PDGFC: variants seen among roughly 807,000 people sequenced by gnomAD.
PDGFC encodes the protein platelet derived growth factor C, also known as platelet-derived growth factor C.
A neutral mutation model predicts 35.5 loss-of-function variants in PDGFC; 12 were observed. The observed-to-expected ratio is 0.34, with a 90% CI of 0.22 to 0.55. The LOEUF (loss-of-function observed/expected upper bound fraction) is 0.55, where lower values mean the gene tolerates loss of function less well. Ranked by LOEUF, PDGFC falls within the 20% of genes least tolerant of loss-of-function variation. The probability of loss-of-function intolerance (pLI) is 0.91; values close to 1 mark genes in which losing one functional copy is unlikely to be tolerated. For synonymous variants in PDGFC, 159 were observed against 148.8 expected (o/e 1.07, Z -0.50); for missense variants, 322 against 412.4 (o/e 0.78, Z 1.90).
intron 2 of PDGFC, among the ~76,000 whole-genome samples, chr4:156,824,243 G>A (rs1365131143): frequency 7.2e-6 from 1 of 139,188 alleles, no homozygotes; most frequent in Non-Finnish European, 1.5e-5. Context: ...CTTATCTGTG[G>A]GAGTAACTGT....
intron 1 of PDGFC, among the ~76,000 whole-genome samples, chr4:156,921,007 C>T (rs7676376): frequency 0.2 from 30,427 of 151,944 alleles, 3,776 homozygotes; most frequent in Non-Finnish European, 0.28. Flanking sequence ...GAGAATGAAC[C>T]TCTTGAATGC....
chr4:156,922,206 G>A (rs1253555299), intron 1 of PDGFC, among the ~76,000 whole-genome samples: 1 of 151,852 alleles, frequency 6.6e-6, no homozygotes, highest in African/African-American at 2.4e-5. Context: ...CTGTGTGTGT[G>A]TGTATATCTG....
intron 1 of PDGFC, among the ~76,000 whole-genome samples, chr4:156,922,599 TCTGA>T (rs1731312338): frequency 6.6e-6 from 1 of 152,172 alleles, no homozygotes; most frequent in African/African-American, 2.4e-5. Context: ...CATTTATGAC[TCTGA>T]CTGTAAGTTT....
chr4:156,821,952 T>A (rs1441871686), intron 2 of PDGFC, among the ~76,000 whole-genome samples: 1 of 152,150 alleles, frequency 6.6e-6, no homozygotes, highest in Non-Finnish European at 1.5e-5. Context: ...GCTTTTATAA[T>A]CTATCTGGAA....
At chr4:156,791,198 A>C (rs533857170) in intron 3 of PDGFC, among the ~76,000 whole-genome samples, 1 of 152,294 alleles carries the variant, frequency 6.6e-6, no homozygotes, top group East Asian at 1.9e-4. Context: ...AGATGGATCT[A>C]TCATCCATTC....
chr4:156,901,937 G>A (rs1730798653), intron 1 of PDGFC, among the ~76,000 whole-genome samples: 1 of 152,144 alleles, frequency 6.6e-6, no homozygotes. Flanking sequence ...GGTATAACAT[G>A]TCTAGCTTTG....
At chr4:156,965,744 G>A (rs2110984367) in intron 1 of PDGFC, among the ~76,000 whole-genome samples, 1 of 152,276 alleles carries the variant, frequency 6.6e-6, no homozygotes, top group East Asian at 1.9e-4. Context: ...GAGCTTGAAA[G>A]AAGCCATACC....
chr4:156,912,426 G>A (rs1579094992), intron 1 of PDGFC, among the ~76,000 whole-genome samples: 1 of 152,092 alleles, frequency 6.6e-6, no homozygotes, highest in South Asian at 2.1e-4. Flanking sequence ...TGTGGAAGTG[G>A]TCAGGGTTCT....
At chr4:156,884,688 T>G (rs1482035020) in intron 1 of PDGFC, among the ~76,000 whole-genome samples, 1 of 152,236 alleles carries the variant, frequency 6.6e-6, no homozygotes, top group Non-Finnish European at 1.5e-5. Context: ...ATTTGCTAAT[T>G]GTTTTCAAAA....
In PDGFC at chr4:156,970,793, T is replaced by G. The variant is rs1442880005; in HGVS notation, c.111A>C (p.Glu37Asp). 6.3e-7 allele frequency: 1 copy of G among 1,596,842 alleles called. No homozygotes were observed. The highest frequency in any genetic ancestry group is 2.2e-5 in the East Asian group (1 of 44,790). The change falls in exon 1 of 6, where the codon GAA becomes GAC. Residue 37 changes from glutamate (E) to aspartate (D), a missense_variant. By Grantham distance (45) the Glu-to-Asp change is conservative. Coordinates refer to ENST00000502773, the MANE Select transcript of PDGFC (RefSeq NM_016205.3). Reference protein sequence around the residue: ...SSKFQFSSNKEQNGVQDPQHE... With the variant: ...SSKFQFSSNKDQNGVQDPQHE... ...AATGGGGGAAAGACTCACCGTTCTG[T>G]TCCTTGTTGCTGGAAAACTGGAATT...
intron 1 of PDGFC, among the ~76,000 whole-genome samples, chr4:156,934,819 A>G (rs867510686): frequency 9.2e-5 from 14 of 152,144 alleles, no homozygotes; most frequent in African/African-American, 3.1e-4. Context: ...CAAGGCCTTC[A>G]CAGGATCAGG....
intron 1 of PDGFC, among the ~76,000 whole-genome samples, chr4:156,895,192 T>A (rs533014621): frequency 6.6e-6 from 1 of 152,286 alleles, no homozygotes; most frequent in East Asian, 1.9e-4. Context: ...TAAGGGGCAA[T>A]GACAGACCAA....
At chr4:156,951,294 C>T (rs1331662614) in intron 1 of PDGFC, among the ~76,000 whole-genome samples, 1 of 151,858 alleles carries the variant, frequency 6.6e-6, no homozygotes, top group Admixed American at 6.6e-5. Flanking sequence ...TGTGAGGCTT[C>T]ATTCTCTCTA....
At chr4:156,911,321 A>G (rs1030031339) in intron 1 of PDGFC, among the ~76,000 whole-genome samples, 4 of 152,128 alleles carry the variant, frequency 2.6e-5, no homozygotes, top group Non-Finnish European at 4.4e-5. Flanking sequence ...AGTCTCATAT[A>G]GAGGATATCA....
In PDGFC at chr4:156,867,000, T is replaced by C. The variant is rs368446494; in HGVS notation, c.119-16584A>G. Among the ~76,000 whole-genome samples, 244 of 152,270 alleles carry C rather than the reference T, an allele frequency of 1.6e-3. 12 individuals carry two copies. The South Asian group carries it at 0.049, about 31-fold the overall frequency. ...TGGAATGGAGAAGACAGTTAATAAC[T>C]GGGATCGCCTTATTTTTCACTTACT... On this transcript the variant is annotated intron_variant, in intron 1 of 5. Coordinates refer to ENST00000502773, the MANE Select transcript of PDGFC (RefSeq NM_016205.3).
At chr4:156,767,686 T>G (rs1418785633) in intron 5 of PDGFC, 87 bp downstream of exon 5, 1 of 819,874 alleles carries the variant, frequency 1.2e-6, no homozygotes, top group Non-Finnish European at 2.0e-6. Flanking sequence ...ACGTCTTTTT[T>G]CCAAACATAA....
chr4:156,923,234 C>G (rs1458544304), intron 1 of PDGFC, among the ~76,000 whole-genome samples: 1 of 152,130 alleles, frequency 6.6e-6, no homozygotes, highest in Non-Finnish European at 1.5e-5. Context: ...GCTCCTTCAC[C>G]AGGCTGACCT....
In PDGFC at chr4:156,861,203, A is replaced by C. The variant is rs148927133; in HGVS notation, c.119-10787T>G. Reference sequence around the variant, plus strand: ...AGAGGGCATTGGAATGACTACATGGAAACTTACTAAGTGCAAAGACAGAAA... The same window carrying C: ...AGAGGGCATTGGAATGACTACATGGCAACTTACTAAGTGCAAAGACAGAAA... On this transcript the variant is annotated intron_variant, in intron 1 of 5. Transcript: ENST00000502773. Among the ~76,000 whole-genome samples, 16 of 152,232 alleles carry C rather than the reference A, an allele frequency of 1.1e-4. No individual in the cohort carries two copies. In the East Asian group the frequency reaches 3.1e-3, roughly 29 times the overall value.
intron 2 of PDGFC, among the ~76,000 whole-genome samples, chr4:156,821,175 GTGTGTGTGTGTGTGTGTGTA>G (rs931494437): frequency 7.9e-5 from 10 of 126,608 alleles, no homozygotes; most frequent in Non-Finnish European, 1.8e-4. Flanking sequence ...TTGTATGTGT[GTGTGTGTGTGTGTGTGTGTA>G]TGTGTGTGTG....
Sources: allele counts gnomAD v4.1 joint callset (sites outside exome capture counted in the v4.1 genomes callset), GRCh38; gene constraint gnomAD v4.1.1; transcripts MANE v1.5; gene names NCBI Gene and HGNC (gene_info 2026-07-23, HGNC 2026-07-21).